The following ESR2 variants were observed in gnomAD, a reference collection of about 807,000 sequenced individuals.
ESR2 encodes the protein estrogen receptor 2, also known as estrogen receptor beta.
Under a neutral mutation model 49.6 loss-of-function variants are expected in ESR2, and 36 were observed. The ratio of observed to expected loss-of-function variants is 0.73; its 90% confidence interval spans 0.56 to 0.96. ESR2 has a LOEUF of 0.96. Ranked by LOEUF, ESR2 falls within the 40% of genes least tolerant of loss-of-function variation. The pLI, the probability that ESR2 is intolerant of heterozygous loss-of-function variation, is 0.00. For missense variants in ESR2, 714 were observed against 693.0 expected (o/e 1.03, Z -0.34); for synonymous variants, 320 against 266.1 (o/e 1.20, Z -1.97).
At chr14:64,296,717 A>T (rs1246337586), upstream of ESR2, among the ~76,000 whole-genome samples, 1 of 152,240 alleles carries the variant, frequency 6.6e-6, no homozygotes, top group Admixed American at 6.5e-5. Flanking sequence ...TGCTTCCTTC[A>T]GAAGGCATTC....
intron 1 of ESR2, among the ~76,000 whole-genome samples, chr14:64,285,804 G>A (rs2076773865): frequency 7.4e-6 from 1 of 135,172 alleles, no homozygotes; most frequent in Admixed American, 8.0e-5. Flanking sequence ...TCCAGCCCAG[G>A]TGACAGAGTG....
chr14:64,303,235 C>A (rs1240860056), intron 1 of ESR2, among the ~76,000 whole-genome samples: 2 of 152,196 alleles, frequency 1.3e-5, no homozygotes, highest in Non-Finnish European at 2.9e-5. Flanking sequence ...GTGCTCAGGT[C>A]GGCTTCTTTT....
chr14:64,320,704 C>T (rs910880398), intron 1 of ESR2, among the ~76,000 whole-genome samples: 2 of 152,028 alleles, frequency 1.3e-5, no homozygotes, highest in African/African-American at 2.4e-5. Context: ...ACCAGCCTGA[C>T]CAACATGGTG....
Position 64,282,950 on chromosome 14 carries a change from A to C in ESR2, c.36T>G (p.Ser12=), listed in dbSNP as rs1320142000. The stretch of plus-strand genomic sequence containing the variant: ...ATTGACTGCAGTTGTAGGAGGAAGG[A>C]GAATTAAGGCTAGATGGTGAGTTTT... ...DIKNSPSSLN[S]PSSYNCSQSI... Residue 12 remains serine (S), a synonymous_variant, in exon 2 of 9, where the codon TCT becomes TCG. Coordinates refer to ENST00000341099, the MANE Select transcript of ESR2 (RefSeq NM_001437.3). The C allele has an allele frequency of 1.9e-6, 3 of 1,614,042 alleles. No homozygotes were observed. The highest frequency in any genetic ancestry group is 2.5e-6 in the Non-Finnish European group (3 of 1,179,924).
rs200042926 is a variant in ESR2 at position 64,257,382 on chromosome 14, C to T, written c.953-18G>A. 1.6e-5 allele frequency: 25 copies of T among 1,611,984 alleles called. No individual in the cohort carries two copies. Among genetic ancestry groups the T allele is most frequent in the Admixed American group, 3.3e-5 (2 of 59,994 alleles). ...CACAAAGCCTGGGGAAAGCAAGAGG[C>T]GGTGAGACACCCCCACCCCTCCTCC... On this transcript the variant is annotated intron_variant, in intron 5 of 8. Coordinates refer to ENST00000341099, the MANE Select transcript of ESR2 (RefSeq NM_001437.3).
intron 1 of ESR2, among the ~76,000 whole-genome samples, chr14:64,328,051 CA>C (rs748229456): frequency 0.021 from 1,789 of 87,118 alleles, 10 homozygotes; most frequent in Middle Eastern, 0.037. Flanking sequence ...ACTAAAAATA[CA>C]AAAAAAAAAA....
rs35866794 is a variant in ESR2, at chr14:64,322,518, GAAA to G, written c.-91+15377_-91+15379del. On this transcript the variant is annotated intron_variant, in intron 1 of 8. Transcript: ENST00000358599. ...AGTAAGACCTTATCTCCACAGAAAG[GAAA>G]AAAAAAAAAAAAAAAAGATCCTTAT... 7.6e-3 allele frequency among the ~76,000 whole-genome samples: 659 copies of G among 86,476 alleles called. 5 individuals carry two copies. Among genetic ancestry groups the G allele is most frequent in the African/African-American group, 0.022 (606 of 28,046 alleles). The allele number at this position is 86,476 out of a possible 152,430, so 56.7% of individuals were successfully genotyped here.
At chr14:64,288,872 G>T (rs986696197) in intron 1 of ESR2, among the ~76,000 whole-genome samples, 2 of 151,024 alleles carry the variant, frequency 1.3e-5, no homozygotes, top group Non-Finnish European at 2.9e-5. Flanking sequence ...TGTAAACCCA[G>T]CTACTCAGAA....
upstream of ESR2, chr14:64,297,627 G>A (rs1217159787): frequency 9.2e-5 from 14 of 152,154 alleles, no homozygotes; most frequent in African/African-American, 2.2e-4. Context: ...CAATCCACGC[G>A]TTCAACAAAT....
rs556962399 is a variant in ESR2, at chr14:64,283,556, C to T, written c.-90-481G>A. 2.2e-4 allele frequency among the ~76,000 whole-genome samples: 33 copies of T among 151,780 alleles called. 1 individual carries two copies. The highest frequency in any genetic ancestry group is 1.7e-3 in the Admixed American group (26 of 15,224). On this transcript the variant is annotated intron_variant, in intron 1 of 8. Coordinates refer to ENST00000341099, the MANE Select transcript of ESR2 (RefSeq NM_001437.3). ...GGCAGATTACTTGAGGTCAGGAGTT[C>T]GAGACCAGCCTGGGCAACATGGTGA...
chr14:64,269,793 T>C (rs373490236), intron 3 of ESR2, among the ~76,000 whole-genome samples: 45 of 152,342 alleles, frequency 3.0e-4, no homozygotes, highest in African/African-American at 1.1e-3. Context: ...TATAGCAATC[T>C]CTAAGACAAT....
chr14:64,282,775 G>C lies in ESR2; in HGVS notation c.211C>G (p.Arg71Gly), dbSNP rs750795212. 8 of 1,614,060 alleles carry C rather than the reference G, an allele frequency of 5.0e-6. No individual in the cohort carries two copies. Among genetic ancestry groups the C allele is most frequent in the Admixed American group, 1.7e-5 (1 of 60,006 alleles). The change falls in exon 2 of 9, where the codon CGG (arginine) becomes GGG (glycine). Residue 71 changes from arginine (R) to glycine (G), a missense_variant. Transcript: ENST00000341099. ...AACACATTTGGGCTTGTGGTCTGCC[G>C]ACCAGGCCCACCTTCCAAGTTAGTG... Reference protein sequence around the residue: ...NVTNLEGGPGRQTTSPNVLWP... With the variant: ...NVTNLEGGPGGQTTSPNVLWP...
intron 6 of ESR2, among the ~76,000 whole-genome samples, chr14:64,256,992 C>T (rs566456013): frequency 2.6e-5 from 4 of 152,216 alleles, no homozygotes; most frequent in South Asian, 4.2e-4. Context: ...CCTATTAAAG[C>T]GCTGGCCTGT....
At position 64,249,728 on chromosome 14, in the gene ESR2, T is replaced by A. The variant is rs571006034; in HGVS notation, c.1092-49A>T. 12 of 1,553,794 alleles carry A rather than the reference T, an allele frequency of 7.7e-6. No individual in the cohort carries two copies. In the Admixed American group the frequency reaches 1.0e-4, roughly 13 times the overall value. ...TAAGGAACATAGCTTCAGGAAACCA[T>A]CAAAAAAACAATAAGGAATGTTTTA... On this transcript the variant is annotated intron_variant, in intron 6 of 8. Transcript: ENST00000341099.
chr14:64,281,282 TC>T (rs2076662173), intron 2 of ESR2, among the ~76,000 whole-genome samples: 1 of 152,152 alleles, frequency 6.6e-6, no homozygotes, highest in South Asian at 2.1e-4. Flanking sequence ...TCTGGCTAGT[TC>T]CTGATGTTGC....
chr14:64,297,115 A>C (rs1252866869), upstream of ESR2, among the ~76,000 whole-genome samples: 1 of 152,190 alleles, frequency 6.6e-6, no homozygotes, highest in Non-Finnish European at 1.5e-5. Context: ...TGCCTAAGGA[A>C]GCACCCACAT....
chr14:64,277,562 TTGCAGTGAGCCGAGA>T (rs1475160742), intron 3 of ESR2, among the ~76,000 whole-genome samples: 1 of 148,746 alleles, frequency 6.7e-6, no homozygotes, highest in Non-Finnish European at 1.5e-5. Flanking sequence ...GAGGCAGAGC[TTGCAGTGAGCCGAGA>T]TTGTGCCACT....
intron 1 of ESR2, among the ~76,000 whole-genome samples, chr14:64,331,844 A>G (rs2077464190): frequency 6.8e-6 from 1 of 146,286 alleles, no homozygotes; most frequent in African/African-American, 2.5e-5. Flanking sequence ...AAAAAAAAAA[A>G]GAATCCTTTG....
chr14:64,298,236 G>T (rs1383784064), upstream of ESR2, among the ~76,000 whole-genome samples: 1 of 152,178 alleles, frequency 6.6e-6, no homozygotes, highest in African/African-American at 2.4e-5. Context: ...GGCTTGCATA[G>T]GTTGATTCAC....
Sources: gnomAD v4.1 joint callset for allele counts (sites outside exome capture counted in the v4.1 genomes callset) on GRCh38, gnomAD v4.1.1 for gene constraint, MANE v1.5 for transcripts, NCBI Gene and HGNC (gene_info 2026-07-23, HGNC 2026-07-21) for gene names.